Variants in CEP57 observed in about 807,000 individuals in gnomAD.
CEP57 encodes centrosomal protein of 57 kDa.
CEP57 carries 40 observed loss-of-function variants against 68.0 expected under a neutral mutation model. That is an observed-to-expected ratio of 0.59 (90% CI 0.46 to 0.77). The LOEUF (loss-of-function observed/expected upper bound fraction) is 0.77. Ranked by LOEUF, CEP57 falls within the 30% of genes least tolerant of loss-of-function variation. The pLI, the probability that CEP57 is intolerant of heterozygous loss-of-function variation, is 0.00. For synonymous variants in CEP57, 219 were observed against 198.7 expected, an observed-to-expected ratio of 1.10 and a Z score of -0.86; for missense variants, 606 against 580.7, an observed-to-expected ratio of 1.04 and a Z score of -0.45.
intron 5 of CEP57, 113 bp from the exon 6 acceptor site, chr11:95,818,714 A>T: frequency 1.2e-6 from 1 of 800,340 alleles, no homozygotes; most frequent in Non-Finnish European, 2.2e-6. Flanking sequence ...ACAGTGATCT[A>T]ACCACCTTAT....
intron 6 of CEP57, among the ~76,000 whole-genome samples, chr11:95,819,838 G>T (rs1862449843): frequency 6.6e-6 from 1 of 152,106 alleles, no homozygotes; most frequent in Non-Finnish European, 1.5e-5. Context: ...TAAATTTATT[G>T]ACTTATTTTG....
upstream of CEP57, chr11:95,790,143 G>A (rs1860938839): frequency 2.4e-5 from 4 of 170,054 alleles, no homozygotes; most frequent in Admixed American, 2.2e-4. Context: ...TGGCCAAAAG[G>A]TAAATACTTC....
chr11:95,828,443 C>T (rs921223308), intron 9 of CEP57, among the ~76,000 whole-genome samples: 14 of 151,902 alleles, frequency 9.2e-5, no homozygotes, highest in Non-Finnish European at 2.1e-4. Context: ...ATACTATATG[C>T]AGTTGTAACA....
At chr11:95,811,428 C>T (rs1330248512) in intron 2 of CEP57, among the ~76,000 whole-genome samples, 100 of 38,816 alleles carry the variant, frequency 2.6e-3, no homozygotes, top group African/African-American at 0.011. Flanking sequence ...CGGGGCCTGT[C>T]GTGGGTTGGG....
At position 95,832,546 on chromosome 11, in the gene CEP57, T is replaced by C. The variant is rs1000462208; in HGVS notation, c.*1290T>C. 2 of 152,184 alleles carry C rather than the reference T, an allele frequency of 1.3e-5. No homozygotes were observed. The highest frequency in any genetic ancestry group is 4.8e-5 in the African/African-American group (2 of 41,450). 9.4% of individuals were successfully genotyped at this position (152,184 alleles called of 1,614,324 possible). ...GTTCGTAGCTTGATTGAATTAATAA[T>C]TGTGAGCCCATAGACACAAGGGAAG... On this transcript the variant is annotated 3_prime_UTR_variant, in exon 11 of 11. Transcript: ENST00000325542.
rs1364380694 is a variant in CEP57 at position 95,831,127 on chromosome 11, G to A, written c.1374G>A (p.Gly458=). The change falls in exon 11 of 11, where the codon GGG becomes GGA. Residue 458 remains glycine (G), a synonymous_variant. Transcript: ENST00000325542. ...GCAGCAGCCGTTCTGGAATCACAGG[G>A]ACCACAAATAAGAAAGATTTTATGA... ...RNSSSRSGIT[G]TTNKKDFMKL... 5.6e-6 allele frequency: 9 copies of A among 1,613,476 alleles called. No homozygotes were observed. The highest frequency in any genetic ancestry group is 1.7e-5 in the Admixed American group (1 of 59,994).
chr11:95,816,703 C>T (rs1565325513), intron 4 of CEP57, among the ~76,000 whole-genome samples: 1 of 152,138 alleles, frequency 6.6e-6, no homozygotes, highest in East Asian at 1.9e-4. Context: ...TTTGAAGACA[C>T]AGTTTACAAG....
At chr11:95,809,940 A>G (rs1861978886) in intron 2 of CEP57, among the ~76,000 whole-genome samples, 1 of 152,224 alleles carries the variant, frequency 6.6e-6, no homozygotes, top group South Asian at 2.1e-4. Flanking sequence ...TCATTGATGC[A>G]AAAATCCTCA....
chr11:95,804,311 G>A (rs1169562672), intron 2 of CEP57, among the ~76,000 whole-genome samples: 1 of 152,162 alleles, frequency 6.6e-6, no homozygotes, highest in South Asian at 2.1e-4. Context: ...AAGTGAGAAG[G>A]AGAAATACCC....
chr11:95,813,254 A>C, intron 3 of CEP57, 143 bp downstream of exon 3: 1 of 1,019,200 alleles, frequency 9.8e-7, no homozygotes, highest in Non-Finnish European at 1.4e-6. Flanking sequence ...CATTTTGAGG[A>C]GCAAATGCTG....
In CEP57 at chr11:95,790,647, C is replaced by T. The variant is rs1485595060; in HGVS notation, c.-52C>T. 7.5e-6 allele frequency: 12 copies of T among 1,601,436 alleles called. No individual in the cohort carries two copies. The highest frequency in any genetic ancestry group is 2.2e-5 in the South Asian group (2 of 89,180). The stretch of plus-strand genomic sequence containing the variant: ...GGCTCCCGAGTCTTGGAGAAGAGCA[C>T]GAGAACCTAGACCGCCCCCGAAGTG... On this transcript the variant is annotated 5_prime_UTR_variant, in exon 1 of 11. It adds an upstream start codon to the 5' untranslated region. Transcript: ENST00000325542.
At chr11:95,793,442 G>C (rs946620666) in intron 1 of CEP57, among the ~76,000 whole-genome samples, 1 of 152,014 alleles carries the variant, frequency 6.6e-6, no homozygotes, top group African/African-American at 2.4e-5. Flanking sequence ...CTGCACAGTA[G>C]CTCCATATTA....
At position 95,822,587 on chromosome 11, in the gene CEP57, C is replaced by G. The variant is rs753994812; in HGVS notation, c.885+11C>G. 3.7e-6 allele frequency: 6 copies of G among 1,605,632 alleles called. No homozygotes were observed. Among genetic ancestry groups the G allele is most frequent in the Non-Finnish European group, 4.3e-6 (5 of 1,172,546 alleles). ...TTTGTAGCTGGGAAGGTGAGTTGGT[C>G]AAACTCCGGATTCTTTTTATACAAC... On this transcript the variant is annotated intron_variant, in intron 8 of 10. Coordinates refer to ENST00000325542, the MANE Select transcript of CEP57 (RefSeq NM_014679.5).
chr11:95,816,974 G>A (rs969422160), intron 4 of CEP57, among the ~76,000 whole-genome samples: 44 of 150,784 alleles, frequency 2.9e-4, no homozygotes, highest in African/African-American at 9.5e-4. Context: ...TGATGCCACC[G>A]CACTCCAGCC....
intron 8 of CEP57, among the ~76,000 whole-genome samples, chr11:95,825,369 C>CA (rs1862693522): frequency 6.6e-6 from 1 of 151,762 alleles, no homozygotes; most frequent in South Asian, 2.1e-4. Flanking sequence ...GTAGATATGG[C>CA]AAAAAAGGTT....
chr11:95,820,476 A>G (rs1018269654), intron 6 of CEP57, among the ~76,000 whole-genome samples: 7 of 151,360 alleles, frequency 4.6e-5, no homozygotes, highest in Non-Finnish European at 8.8e-5. Context: ...CTGTAATCCT[A>G]GCTACTTGGG....
chr11:95,803,144 G>A (rs1861652171), intron 2 of CEP57, among the ~76,000 whole-genome samples: 1 of 152,154 alleles, frequency 6.6e-6, no homozygotes, highest in African/African-American at 2.4e-5. Context: ...TGTGGGGAAT[G>A]AGGAAGATGG....
At chr11:95,795,677 T>A (rs771192523) in intron 1 of CEP57, 34 of 434,708 alleles carry the variant, frequency 7.8e-5, no homozygotes, top group Non-Finnish European at 1.1e-4. Flanking sequence ...GTAAGTTTTT[T>A]AAAAAATAAT....
chr11:95,822,218 G>A, intron 7 of CEP57: 1 of 579,170 alleles, frequency 1.7e-6, no homozygotes, highest in South Asian at 2.0e-5. Flanking sequence ...TATTAGTACT[G>A]CATTATCTTG....
Sources: allele counts gnomAD v4.1 joint callset (sites outside exome capture counted in the v4.1 genomes callset), GRCh38; gene constraint gnomAD v4.1.1; transcripts MANE v1.5; gene names NCBI Gene and HGNC (gene_info 2026-07-23, HGNC 2026-07-21).